LAMC1: variants seen among roughly 807,000 people sequenced by gnomAD.
LAMC1 encodes the protein laminin subunit gamma-1.
LAMC1 carries 38 observed loss-of-function variants against 173.6 expected under a neutral mutation model. The ratio of observed to expected loss-of-function variants is 0.22; its 90% CI spans 0.17 to 0.29. The LOEUF is 0.29. LAMC1 is among the 10% of genes least tolerant of loss of function. LAMC1 has a pLI of 1.00. For missense variants in LAMC1, 1,824 were observed against 2,051.8 expected, an observed-to-expected ratio of 0.89 and a Z score of 2.14; for synonymous variants, 746 against 749.1, an observed-to-expected ratio of 1.00 and a Z score of 0.07.
intron 1 of LAMC1, among the ~76,000 whole-genome samples, chr1:183,075,649 A>G (rs1655106133): frequency 6.6e-6 from 1 of 152,196 alleles, no homozygotes; most frequent in Admixed American, 6.5e-5. Context: ...TAGTGTTTTT[A>G]ATATTTTCTC....
chr1:183,093,337 G>A (rs1001160777), intron 1 of LAMC1, among the ~76,000 whole-genome samples: 60 of 152,076 alleles, frequency 3.9e-4, no homozygotes, highest in African/African-American at 1.3e-3. Flanking sequence ...CATTTCAGGA[G>A]TATATGACAA....
intron 2 of LAMC1, among the ~76,000 whole-genome samples, chr1:183,106,583 T>TTG (rs1034778616): frequency 4.4e-4 from 67 of 152,344 alleles, no homozygotes; most frequent in Non-Finnish European, 7.3e-4. Flanking sequence ...CTGCACTTGC[T>TTG]TGTTACGTCT....
intron 18 of LAMC1, 99 bp downstream of exon 18, chr1:183,128,849 C>A: frequency 1.0e-6 from 1 of 974,408 alleles, no homozygotes; most frequent in Non-Finnish European, 1.4e-6. Context: ...AATTCTTTCT[C>A]AGTTTTTAAA....
intron 1 of LAMC1, among the ~76,000 whole-genome samples, chr1:183,089,615 C>T (rs1036262239): frequency 6.6e-6 from 1 of 151,970 alleles, no homozygotes; most frequent in Non-Finnish European, 1.5e-5. Context: ...ATGTGCTTTA[C>T]GGGGAAGGTG....
At chr1:183,074,664 ATTCT>A (rs1210642660) in intron 1 of LAMC1, among the ~76,000 whole-genome samples, 2 of 152,218 alleles carry the variant, frequency 1.3e-5, no homozygotes, top group Non-Finnish European at 2.9e-5. Context: ...TTTTCTCTTT[ATTCT>A]ATTATGGGAG....
At chr1:183,113,991 G>A (rs1656242877) in intron 4 of LAMC1, among the ~76,000 whole-genome samples, 1 of 152,146 alleles carries the variant, frequency 6.6e-6, no homozygotes, top group African/African-American at 2.4e-5. Context: ...CTGTTTTTTA[G>A]AGGGAGGAAC....
At position 183,059,842 on chromosome 1, in the gene LAMC1, C is replaced by T. The variant is rs75539260; in HGVS notation, c.418+35708C>T. Among the ~76,000 whole-genome samples the T allele has an allele frequency of 3.1e-3, 476 of 152,260 alleles. 3 individuals are homozygous for T. Among genetic ancestry groups the T allele is most frequent in the African/African-American group, 0.011 (453 of 41,546 alleles). On this transcript the variant is annotated intron_variant, in intron 1 of 27. Coordinates refer to ENST00000258341, the MANE Select transcript of LAMC1 (RefSeq NM_002293.4). ...GATTTCATTTACCACTTACAAACTA[C>T]GTGCATCAGAGTAAGAAATTTAATT...
intron 4 of LAMC1, among the ~76,000 whole-genome samples, chr1:183,111,233 C>T (rs6662239): frequency 0.52 from 77,854 of 151,016 alleles, 20,680 homozygotes; most frequent in South Asian, 0.65. Flanking sequence ...ATTACAGGTG[C>T]ATGCCACCAT....
chr1:183,107,136 A>G (rs761977347), intron 2 of LAMC1, among the ~76,000 whole-genome samples: 1 of 152,202 alleles, frequency 6.6e-6, no homozygotes, highest in African/African-American at 2.4e-5. Flanking sequence ...TGGTACACCT[A>G]CCAACTTGAT....
intron 5 of LAMC1, 131 bp downstream of exon 5, chr1:183,114,850 G>A (rs1656275552): frequency 2.3e-6 from 2 of 859,786 alleles, no homozygotes; most frequent in Non-Finnish European, 3.5e-6. Context: ...ACAGAAATCA[G>A]TCAAGATCTG....
chr1:183,127,867 G>A (rs1656664050), intron 17 of LAMC1, among the ~76,000 whole-genome samples: 1 of 152,156 alleles, frequency 6.6e-6, no homozygotes, highest in African/African-American at 2.4e-5. Flanking sequence ...ACCATAGTAA[G>A]AAGTTTAGAT....
At chr1:183,128,502 G>A in intron 17 of LAMC1, 92 bp from the exon 18 acceptor site, 1 of 942,858 alleles carries the variant, frequency 1.1e-6, no homozygotes, top group Non-Finnish European at 1.5e-6. Context: ...CATATTCATG[G>A]AGTGCCCATG....
At chr1:183,116,170 G>T (rs1436501968) in intron 6 of LAMC1, among the ~76,000 whole-genome samples, 1 of 150,378 alleles carries the variant, frequency 6.6e-6, no homozygotes, top group Non-Finnish European at 1.5e-5. Flanking sequence ...TTTGTTCTAT[G>T]TGTATTTCTT....
At chr1:183,121,103 G>A (rs1656458591) in intron 11 of LAMC1, among the ~76,000 whole-genome samples, 1 of 152,018 alleles carries the variant, frequency 6.6e-6, no homozygotes, top group Non-Finnish European at 1.5e-5. Flanking sequence ...CAAATCTAGG[G>A]GTACATGTGT....
rs1397264813 is a variant in LAMC1 at position 183,144,878 on chromosome 1, C to G, written c.*2088C>G. On this transcript the variant is annotated 3_prime_UTR_variant, in exon 28 of 28. Coordinates refer to ENST00000258341, the MANE Select transcript of LAMC1 (RefSeq NM_002293.4). ...TGATGATCCCACTTCCTGTTTCCAT[C>G]TGCTTGGGATATACCAGAGTTTACC... The G allele has an allele frequency of 6.6e-6, 1 of 152,228 alleles. No homozygotes were observed. The highest frequency in any genetic ancestry group is 1.5e-5 in the Non-Finnish European group (1 of 68,060). The allele number at this position is 152,228 out of a possible 1,614,324, so 9.4% of individuals were successfully genotyped here.
intron 1 of LAMC1, among the ~76,000 whole-genome samples, chr1:183,094,960 C>T (rs903319396): frequency 1.3e-5 from 2 of 152,148 alleles, no homozygotes; most frequent in Non-Finnish European, 2.9e-5. Flanking sequence ...ATTCTCCTGC[C>T]TCAGCCTCCT....
chr1:183,120,981 T>C (rs1656454628), intron 11 of LAMC1, among the ~76,000 whole-genome samples: 1 of 152,198 alleles, frequency 6.6e-6, no homozygotes, highest in African/African-American at 2.4e-5. Context: ...CCTTAATGGC[T>C]GTAGACATAA....
Position 183,103,492 on chromosome 1 carries a change from A to G in LAMC1, c.583A>G (p.Arg195Gly), listed in dbSNP as rs1655888379. 1.2e-6 allele frequency: 2 copies of G among 1,614,206 alleles called. No homozygotes were observed. The highest frequency in any genetic ancestry group is 2.2e-5 in the South Asian group (2 of 91,080). ...CTCCAAGGCAAACCGCGGCTTCATC[A>G]GGACAGGAGGGGACGAGCAGCAGGC... is the stretch of plus-strand genomic sequence containing the variant. The part of the protein sequence containing the change: ...TYSKANRGFI[R>G]TGGDEQQALC... The change falls in exon 2 of 28, where the codon AGG (arginine) becomes GGG (glycine). Residue 195 changes from arginine (R) to glycine (G), a missense_variant. Transcript: ENST00000258341.
At position 183,108,306 on chromosome 1, in the gene LAMC1, A is replaced by G; in HGVS notation, c.754A>G (p.Thr252Ala). 3 of 1,613,538 alleles carry G rather than the reference A, an allele frequency of 1.9e-6. No homozygotes were observed. In the South Asian group the frequency reaches 3.3e-5, roughly 18 times the overall value. ...EWVTATDIRV[T>A]LNRLNTFGDE... ...GGTAACTGCCACTGACATCAGAGTAACTCTTAATCGCCTGAACACTTTTGG... is the reference window on the plus strand; with the variant it reads ...GGTAACTGCCACTGACATCAGAGTAGCTCTTAATCGCCTGAACACTTTTGG... Residue 252 changes from threonine to alanine, a missense_variant, in exon 3 of 28, where the codon ACT (threonine) becomes GCT (alanine). Transcript: ENST00000258341.
Sources: allele counts gnomAD v4.1 joint callset (sites outside exome capture counted in the v4.1 genomes callset), GRCh38; gene constraint gnomAD v4.1.1; transcripts MANE v1.5; gene names NCBI Gene and HGNC (gene_info 2026-07-23, HGNC 2026-07-21).